NFASC: variants seen among roughly 807,000 people sequenced by gnomAD.
NFASC encodes neurofascin.
NFASC carries 43 observed loss-of-function variants against 147.5 expected under a neutral mutation model. The observed-to-expected ratio is 0.29, with a 90% CI of 0.23 to 0.38. The LOEUF (loss-of-function observed/expected upper bound fraction) is 0.38, where lower values mean the gene tolerates loss of function less well. Among genes scored for constraint, NFASC ranks in the 10% least tolerant of loss-of-function variants. The pLI is 1.00. For missense variants in NFASC, 1,320 were observed against 1,689.0 expected (o/e 0.78, Z 3.83); for synonymous variants, 622 against 665.5 (o/e 0.93, Z 1.01).
At chr1:204,974,577 T>C (rs756986853) in intron 13 of NFASC, 80 bp from the exon 14 acceptor site, 4 of 1,486,068 alleles carry the variant, frequency 2.7e-6, no homozygotes, top group Non-Finnish European at 3.8e-6. Flanking sequence ...GCCCCCATGG[T>C]CTCTCTTGAT....
At chr1:204,946,295 G>A (rs745991176) in intron 3 of NFASC, 9 of 511,176 alleles carry the variant, frequency 1.8e-5, no homozygotes, top group South Asian at 4.3e-5. Context: ...GTGCCTCATC[G>A]CACATGGTTC....
chr1:204,833,306 G>A (rs530365936), intron 1 of NFASC, among the ~76,000 whole-genome samples: 2 of 152,292 alleles, frequency 1.3e-5, no homozygotes, highest in South Asian at 4.2e-4. Context: ...TAAGTTGCTG[G>A]TTTTACAGAA....
intron 2 of NFASC, among the ~76,000 whole-genome samples, 168 bp downstream of exon 2, chr1:204,920,908 C>T (rs2090327395): frequency 6.6e-6 from 1 of 152,160 alleles, no homozygotes; most frequent in Admixed American, 6.5e-5. Flanking sequence ...CCCTGAGTTG[C>T]CACAGAACTG....
chr1:204,937,757 C>T (rs1558165147), intron 2 of NFASC, among the ~76,000 whole-genome samples: 1 of 152,192 alleles, frequency 6.6e-6, no homozygotes, highest in Non-Finnish European at 1.5e-5. Context: ...GTTAAACATC[C>T]ACGTGCAGGT....
intron 1 of NFASC, among the ~76,000 whole-genome samples, chr1:204,906,730 T>C (rs1263515485): frequency 1.3e-5 from 2 of 151,932 alleles, no homozygotes; most frequent in Admixed American, 1.3e-4. Context: ...TTGCCCAGGC[T>C]GGAGTGCAGT....
Position 204,947,690 on chromosome 1 carries a change from G to A in NFASC, c.92-2867G>A, listed in dbSNP as rs186690244. Among the ~76,000 whole-genome samples, 128 of 150,820 alleles carry A rather than the reference G, an allele frequency of 8.5e-4. 1 individual carries two copies. Among genetic ancestry groups the A allele is most frequent in the African/African-American group, 3.0e-3 (124 of 40,992 alleles). ...TGACCTTTGAAAAAAGCCAAGGGTC[G>A]CCTCATCAACCAGAGTGAGTTTGCC... On this transcript the variant is annotated intron_variant, in intron 3 of 29. Transcript: ENST00000339876.
At chr1:204,953,580 G>A (rs902016607) in intron 5 of NFASC, among the ~76,000 whole-genome samples, 5 of 152,224 alleles carry the variant, frequency 3.3e-5, no homozygotes, top group Admixed American at 2.0e-4. Flanking sequence ...ACAGGCGTGA[G>A]CCACCGCGCC....
chr1:204,976,866 C>T (rs1345535511), intron 16 of NFASC, 71 bp downstream of exon 16: 17 of 1,564,426 alleles, frequency 1.1e-5, no homozygotes, highest in South Asian at 3.5e-5. Context: ...AGCAGTGGCC[C>T]GGGGCAGTTC....
intron 1 of NFASC, among the ~76,000 whole-genome samples, chr1:204,864,315 G>A (rs1216883444): frequency 6.6e-6 from 1 of 152,220 alleles, no homozygotes; most frequent in East Asian, 1.9e-4. Flanking sequence ...GAACAATGCT[G>A]CAGTGAATAT....
At position 204,979,539 on chromosome 1, in the gene NFASC, G is replaced by A. The variant is rs762970944; in HGVS notation, c.2156G>A (p.Arg719His). ...AGCCACCCCAGCCTCCCATCCGAGC[G>A]CTACCGAACCAGTGGAGCACGTGAG... ...GSSHPSLPSE[R>H]YRTSGAPPES... Residue 719 changes from arginine (R) to histidine (H), a missense_variant, in exon 19 of 30, where the codon CGC (arginine) becomes CAC (histidine). By Grantham distance (29) the Arg-to-His change is conservative. Around this residue, in one of 3 missense-constraint regions of NFASC, gnomAD observed 981 missense variants for 1,289.5 expected, o/e 0.76. Coordinates refer to ENST00000339876, the MANE Select transcript of NFASC (RefSeq NM_001005388.3). The surrounding 1 kb of genome is among the most constrained non-coding windows in gnomAD (Gnocchi z 6.0). 6.6e-5 allele frequency: 106 copies of A among 1,613,512 alleles called. No individual in the cohort carries two copies. The highest frequency in any genetic ancestry group is 1.5e-4 in the Admixed American group (9 of 59,996).
chr1:205,011,297 ACTC>A (rs2096250432), intron 28 of NFASC, among the ~76,000 whole-genome samples: 1 of 151,248 alleles, frequency 6.6e-6, no homozygotes, highest in Non-Finnish European at 1.5e-5. Flanking sequence ...ACAGACTAGG[ACTC>A]TGAAGAGCTG....
At chr1:204,867,188 G>T (rs912849471) in intron 1 of NFASC, among the ~76,000 whole-genome samples, 1 of 152,138 alleles carries the variant, frequency 6.6e-6, no homozygotes, top group Non-Finnish European at 1.5e-5. Context: ...TGTTGGATTT[G>T]CACATGGAAG....
At position 204,974,772 on chromosome 1, in the gene NFASC, G is replaced by A. The variant is rs780692017; in HGVS notation, c.1507G>A (p.Ala503Thr). 22 of 1,614,086 alleles carry A rather than the reference G, an allele frequency of 1.4e-5. No homozygotes were observed. In the Admixed American group the frequency reaches 1.8e-4, roughly 13 times the overall value. Residue 503 changes from alanine to threonine, a missense_variant, in exon 14 of 30, where the codon GCC becomes ACC. Ala to Thr is a moderately conservative substitution (Grantham distance 58). This residue lies in a region of NFASC where 981 missense variants were observed against 1,289.5 expected (regional missense o/e 0.76). Coordinates refer to ENST00000339876, the MANE Select transcript of NFASC (RefSeq NM_001005388.3). Reference protein sequence around the residue: ...KEDQGIYTCVATNILGKAENQ... With the variant: ...KEDQGIYTCVTTNILGKAENQ... The stretch of plus-strand genomic sequence containing the variant: ...GGACCAGGGCATCTACACCTGTGTC[G>A]CCACCAACATCCTGGGCAAAGCTGA...
intron 4 of NFASC, among the ~76,000 whole-genome samples, chr1:204,951,036 T>A (rs1250945107): frequency 6.6e-6 from 1 of 152,214 alleles, no homozygotes; most frequent in Non-Finnish European, 1.5e-5. Context: ...CCTTTATTCA[T>A]TCAACAGACA....
intron 1 of NFASC, among the ~76,000 whole-genome samples, chr1:204,869,868 TATC>T (rs2077446276): frequency 6.6e-6 from 1 of 152,252 alleles, no homozygotes; most frequent in Non-Finnish European, 1.5e-5. Context: ...AACTTTTTCT[TATC>T]ATTATAAACA....
rs905721989 is a variant in NFASC at position 205,020,319 on chromosome 1, A to G, written c.*3780A>G. On this transcript the variant is annotated 3_prime_UTR_variant, in exon 30 of 30. Transcript: ENST00000339876. ...ACGGACAAGCTCCCCTGCCACACCCAGTGCCCACGCATGCTCACATACATA... is the reference window on the plus strand; with the variant it reads ...ACGGACAAGCTCCCCTGCCACACCCGGTGCCCACGCATGCTCACATACATA... The G allele has an allele frequency of 1.3e-5, 2 of 152,406 alleles. No individual in the cohort carries two copies. The highest frequency in any genetic ancestry group is 6.5e-5 in the Admixed American group (1 of 15,282). 9.4% of individuals were successfully genotyped at this position (152,406 alleles called of 1,614,324 possible).
At chr1:204,985,108 C>A (rs2095588995) in intron 21 of NFASC, among the ~76,000 whole-genome samples, 1 of 152,206 alleles carries the variant, frequency 6.6e-6, no homozygotes. Context: ...TAAAGCTTCC[C>A]CATGGGTCCC....
chr1:204,940,601 C>T (rs2802826), intron 2 of NFASC, among the ~76,000 whole-genome samples: 21,562 of 152,142 alleles, frequency 0.14, 1,871 homozygotes, highest in African/African-American at 0.25. Flanking sequence ...TCTCCCTTCC[C>T]CTCTGCCTCT....
At chr1:204,841,635 G>C (rs752459755) in intron 1 of NFASC, among the ~76,000 whole-genome samples, 7 of 151,964 alleles carry the variant, frequency 4.6e-5, no homozygotes, top group Non-Finnish European at 8.8e-5. Flanking sequence ...CAGAGCCATT[G>C]AACCCAGCAT....
Sources: gnomAD v4.1 joint callset for allele counts (sites outside exome capture counted in the v4.1 genomes callset) on GRCh38, gnomAD v4.1.1 for gene constraint, gnomAD v4.1.1 regional missense constraint, Gnocchi (gnomAD v3.1) non-coding constraint, MANE v1.5 for transcripts, NCBI Gene and HGNC (gene_info 2026-07-23, HGNC 2026-07-21) for gene names.